The following CNTN4 variants were observed in gnomAD, a reference collection of about 807,000 sequenced individuals.
CNTN4 encodes contactin 4, also known as contactin-4.
Under a neutral mutation model 122.5 loss-of-function variants are expected in CNTN4, and 77 were observed. That is an observed-to-expected ratio of 0.63 (90% CI 0.52 to 0.76). The LOEUF is 0.76. CNTN4 is among the 30% of genes least tolerant of loss of function. The pLI, the probability that CNTN4 is intolerant of heterozygous loss-of-function variation, is 0.00. For synonymous variants in CNTN4, 512 were observed against 447.0 expected, an observed-to-expected ratio of 1.15 and a Z score of -1.83; for missense variants, 1,256 against 1,259.1, an observed-to-expected ratio of 1.00 and a Z score of 0.04.
intron 10 of CNTN4, among the ~76,000 whole-genome samples, chr3:2,891,153 G>A (rs754503408): frequency 6.6e-6 from 1 of 152,150 alleles, no homozygotes; most frequent in Non-Finnish European, 1.5e-5. Context: ...TTTTTGGTAA[G>A]AGTGATAAAG....
At chr3:3,023,472 C>T (rs957832989) in intron 14 of CNTN4, among the ~76,000 whole-genome samples, 1 of 152,146 alleles carries the variant, frequency 6.6e-6, no homozygotes, top group Non-Finnish European at 1.5e-5. Flanking sequence ...AAGAGGTGAA[C>T]GTTTCTTTAG....
In CNTN4 at chr3:2,121,049, A is replaced by T. The variant is rs75773439; in HGVS notation, c.-145+20410A>T. On this transcript the variant is annotated intron_variant, in intron 2 of 24. Transcript: ENST00000418658. ...GCCACTTGAAAGTCTAGACTCATTG[A>T]CTTTGTGAATTTTAATGACTTCCTT... Among the ~76,000 whole-genome samples the T allele has an allele frequency of 4.1e-3, 624 of 152,048 alleles. 5 individuals carry two copies. Among genetic ancestry groups the T allele is most frequent in the African/African-American group, 0.014 (595 of 41,496 alleles).
rs73807732 is a variant in CNTN4, at chr3:2,336,027, G to C, written c.-144-3151G>C. ...GGTACATACTTTCCCACAGTAAAAG[G>C]TATGTGTGTTTTGGGGTAAGCCGAA... is the stretch of plus-strand genomic sequence containing the variant. On this transcript the variant is annotated intron_variant, in intron 2 of 24. Coordinates refer to ENST00000418658, the MANE Select transcript of CNTN4 (RefSeq NM_175607.3). Among the ~76,000 whole-genome samples the C allele has an allele frequency of 4.1e-3, 619 of 152,252 alleles. 1 individual carries two copies. The highest frequency in any genetic ancestry group is 0.014 in the African/African-American group (593 of 41,560).
At chr3:2,371,398 C>T (rs936444978) in intron 3 of CNTN4, among the ~76,000 whole-genome samples, 1 of 152,156 alleles carries the variant, frequency 6.6e-6, no homozygotes, top group African/African-American at 2.4e-5. Context: ...TTACAAACCC[C>T]AACCCCAATG....
intron 13 of CNTN4, among the ~76,000 whole-genome samples, chr3:2,988,072 T>C (rs1206803001): frequency 6.6e-6 from 1 of 152,220 alleles, no homozygotes; most frequent in Non-Finnish European, 1.5e-5. Context: ...GAGAAATCGT[T>C]ACAACCTGTC....
At chr3:2,416,821 T>C (rs777306088) in intron 3 of CNTN4, among the ~76,000 whole-genome samples, 2 of 151,932 alleles carry the variant, frequency 1.3e-5, no homozygotes, top group Non-Finnish European at 2.9e-5. Flanking sequence ...GCCCGGCTAA[T>C]TTTTTTGTAT....
intron 2 of CNTN4, among the ~76,000 whole-genome samples, chr3:2,322,606 G>A (rs2043310317): frequency 6.6e-6 from 1 of 152,044 alleles, no homozygotes; most frequent in Non-Finnish European, 1.5e-5. Flanking sequence ...ATGGATAATG[G>A]CAATGGTGAC....
At chr3:2,292,656 T>G (rs932207978) in intron 2 of CNTN4, among the ~76,000 whole-genome samples, 2 of 152,364 alleles carry the variant, frequency 1.3e-5, no homozygotes, top group South Asian at 4.1e-4. Flanking sequence ...GAATTTCTTA[T>G]AAATAGAAGC....
chr3:2,995,040 A>T (rs890390446), intron 14 of CNTN4, among the ~76,000 whole-genome samples: 1 of 152,196 alleles, frequency 6.6e-6, no homozygotes, highest in African/African-American at 2.4e-5. Flanking sequence ...GACCCTAGGC[A>T]TCTAGAGTAG....
intron 13 of CNTN4, chr3:2,985,102 G>A (rs1694427063): frequency 6.6e-6 from 1 of 152,114 alleles, no homozygotes; most frequent in Non-Finnish European, 1.5e-5. Context: ...CTTTTTTTTA[G>A]CCAGAGCTTG....
At chr3:2,527,800 C>G (rs2077455233) in intron 3 of CNTN4, among the ~76,000 whole-genome samples, 1 of 152,076 alleles carries the variant, frequency 6.6e-6, no homozygotes, top group East Asian at 1.9e-4. Flanking sequence ...AAAAATAGAA[C>G]AAGTTTATTG....
At chr3:2,979,488 G>A (rs1354095807) in intron 13 of CNTN4, among the ~76,000 whole-genome samples, 1 of 152,130 alleles carries the variant, frequency 6.6e-6, no homozygotes, top group Non-Finnish European at 1.5e-5. Context: ...TAGCTCTTCA[G>A]GAGTTTAGCC....
At chr3:2,111,053 C>G (rs985022825) in intron 2 of CNTN4, among the ~76,000 whole-genome samples, 13 of 152,094 alleles carry the variant, frequency 8.5e-5, no homozygotes, top group African/African-American at 2.7e-4. Flanking sequence ...GTTTTCTTTT[C>G]TATTTTTTTC....
At chr3:2,808,558 A>G (rs2092526014) in intron 6 of CNTN4, among the ~76,000 whole-genome samples, 1 of 152,192 alleles carries the variant, frequency 6.6e-6, no homozygotes, top group African/African-American at 2.4e-5. Flanking sequence ...TGTATGATAT[A>G]TCACTGACTG....
At chr3:2,773,717 C>G (rs1250444897) in intron 6 of CNTN4, among the ~76,000 whole-genome samples, 1 of 150,686 alleles carries the variant, frequency 6.6e-6, no homozygotes, top group Non-Finnish European at 1.5e-5. Context: ...GGTTACCAAA[C>G]TCTGGCACTG....
At chr3:2,159,666 G>A (rs1048679989) in intron 2 of CNTN4, among the ~76,000 whole-genome samples, 1 of 152,118 alleles carries the variant, frequency 6.6e-6, no homozygotes, top group African/African-American at 2.4e-5. Flanking sequence ...CTTACCGTGT[G>A]AGGTGGGCCA....
chr3:2,939,546 A>G (rs944843122), intron 13 of CNTN4, among the ~76,000 whole-genome samples: 1 of 152,184 alleles, frequency 6.6e-6, no homozygotes, highest in Non-Finnish European at 1.5e-5. Flanking sequence ...ATTAGGATAA[A>G]TTTTTTAACC....
At chr3:2,482,909 T>G (rs999258832) in intron 3 of CNTN4, among the ~76,000 whole-genome samples, 4 of 152,030 alleles carry the variant, frequency 2.6e-5, no homozygotes, top group African/African-American at 7.2e-5. Context: ...GCTAGGGTAG[T>G]GTGAAAGGGA....
At chr3:2,821,245 C>T (rs1303861847) in intron 7 of CNTN4, among the ~76,000 whole-genome samples, 1 of 152,160 alleles carries the variant, frequency 6.6e-6, no homozygotes, top group East Asian at 1.9e-4. Context: ...GCATGAGTCA[C>T]TGCACCTGGC....
Sources: allele counts gnomAD v4.1 joint callset (sites outside exome capture counted in the v4.1 genomes callset), GRCh38; gene constraint gnomAD v4.1.1; transcripts MANE v1.5; gene names NCBI Gene and HGNC (gene_info 2026-07-23, HGNC 2026-07-21).